Variants in DNAJC6 observed in about 807,000 individuals in gnomAD.
DNAJC6 encodes the protein auxilin.
DNAJC6 carries 34 observed loss-of-function variants against 110.0 expected under a neutral mutation model. The ratio of observed to expected loss-of-function variants is 0.31; its 90% CI spans 0.24 to 0.41. The LOEUF is 0.41. DNAJC6 is among the 10% of genes least tolerant of loss of function. The pLI is 1.00. For synonymous variants in DNAJC6, 406 were observed against 437.2 expected, an observed-to-expected ratio of 0.93 and a Z score of 0.89; for missense variants, 1,031 against 1,207.8, an observed-to-expected ratio of 0.85 and a Z score of 2.17.
chr1:65,379,351 T>C (rs777147830), intron 4 of DNAJC6, 51 bp from the exon 5 acceptor site: 1 of 1,608,892 alleles, frequency 6.2e-7, no homozygotes, highest in Non-Finnish European at 8.5e-7. Flanking sequence ...AACCTGCTTA[T>C]GAAGAGGAAG....
upstream of DNAJC6, chr1:65,309,517 C>T (rs1645076661): frequency 1.0e-5 from 9 of 875,768 alleles, no homozygotes; most frequent in East Asian, 8.6e-5. Context: ...GCGTCTCCTT[C>T]CCTCCCTCCC....
chr1:65,299,901 A>T (rs182099608), intron 1 of DNAJC6, among the ~76,000 whole-genome samples: 1 of 152,016 alleles, frequency 6.6e-6, no homozygotes, highest in African/African-American at 2.4e-5. Context: ...AACACAAAAG[A>T]ATTAGCTGGG....
chr1:65,372,146 G>GGTGT (rs59816601), intron 4 of DNAJC6, among the ~76,000 whole-genome samples: 2,069 of 141,056 alleles, frequency 0.015, 16 homozygotes, highest in African/African-American at 0.021. Context: ...TGACATTTGG[G>GGTGT]GTGTGTGTGT....
intron 15 of DNAJC6, among the ~76,000 whole-genome samples, chr1:65,404,438 C>T (rs1002299942): frequency 6.6e-6 from 1 of 152,154 alleles, no homozygotes; most frequent in African/African-American, 2.4e-5. Flanking sequence ...TTTTACCCAG[C>T]TTTAGAAGAG....
chr1:65,328,376 TGA>T (rs1194160560), intron 1 of DNAJC6, among the ~76,000 whole-genome samples: 2 of 152,232 alleles, frequency 1.3e-5, no homozygotes, highest in Non-Finnish European at 2.9e-5. Context: ...CATGCAGTTG[TGA>T]GAAACAGTAC....
At position 65,406,045 on chromosome 1, in the gene DNAJC6, C is replaced by T; in HGVS notation, c.2403C>T (p.Ser801=). Residue 801 remains serine (S), a synonymous_variant, in exon 16 of 19, where the codon TCC becomes TCT. Transcript: ENST00000371069. ...QPKPQPSMPH[S]SPQNRPNYNV... ...AGCCTCAGCCCAGCATGCCCCACTC[C>T]TCTCCCCAGAACCGACCCAACTACA... 6.2e-7 allele frequency: 1 copy of T among 1,614,166 alleles called. No homozygotes were observed. Among genetic ancestry groups the T allele is most frequent in the Non-Finnish European group, 8.5e-7 (1 of 1,180,042 alleles).
chr1:65,300,711 A>T (rs1215087535), intron 1 of DNAJC6, among the ~76,000 whole-genome samples: 2 of 152,022 alleles, frequency 1.3e-5, no homozygotes, highest in East Asian at 3.9e-4. Flanking sequence ...TACATGAAAA[A>T]CCCATGCACT....
chr1:65,308,003 ACTT>A (rs1217205860), upstream of DNAJC6, among the ~76,000 whole-genome samples: 9 of 152,136 alleles, frequency 5.9e-5, no homozygotes, highest in East Asian at 3.9e-4. Flanking sequence ...ATTTCTTTGG[ACTT>A]CTTCTGGTTG....
In DNAJC6 at chr1:65,380,913, TTTGTTTTG is replaced by T. The variant is rs1368435261; in HGVS notation, c.666+1392_666+1399del. Among the ~76,000 whole-genome samples, 5 of 100,248 alleles carry T rather than the reference TTTGTTTTG, an allele frequency of 5.0e-5. 1 individual carries two copies. Among genetic ancestry groups the T allele is most frequent in the African/African-American group, 2.9e-4 (5 of 17,490 alleles). The allele number at this position is 100,248 out of a possible 152,430, so 65.8% of individuals were successfully genotyped here. Reference sequence around the variant, plus strand: ...GAGTTTTTTTTTTTTTGTTTTTTGTTTTGTTTTGTTTTTTTTTTTTTTTTGGGACCGAG... The same window carrying T: ...GAGTTTTTTTTTTTTTGTTTTTTGTTTTTTTTTTTTTTTTTTGGGACCGAG... On this transcript the variant is annotated intron_variant, in intron 5 of 18. Transcript: ENST00000371069.
chr1:65,411,866 G>A (rs1646132803), intron 18 of DNAJC6, among the ~76,000 whole-genome samples: 1 of 152,170 alleles, frequency 6.6e-6, no homozygotes, highest in African/African-American at 2.4e-5. Flanking sequence ...AGCCACTCGG[G>A]AGGTTGAGGT....
rs146778055 is a variant in DNAJC6 at position 65,368,513 on chromosome 1, C to T, written c.543+2317C>T. On this transcript the variant is annotated intron_variant, in intron 4 of 18. Transcript: ENST00000371069. ...TTCCTTCCTTCTTCCCTTCTCTTTC[C>T]TTTCTCCTTCCGTTTTCCTTCCCTT... is the stretch of plus-strand genomic sequence containing the variant. Among the ~76,000 whole-genome samples, 301 of 151,562 alleles carry T rather than the reference C, an allele frequency of 2.0e-3. 1 individual carries two copies. The highest frequency in any genetic ancestry group is 0.012 in the South Asian group (55 of 4,768).
chr1:65,361,395 A>C (rs1228150761), intron 1 of DNAJC6, among the ~76,000 whole-genome samples: 1 of 152,230 alleles, frequency 6.6e-6, no homozygotes, highest in African/African-American at 2.4e-5. Context: ...TTAGGTATCA[A>C]TAGCTCTTAA....
At chr1:65,311,356 C>G (rs1217581357) in intron 1 of DNAJC6, among the ~76,000 whole-genome samples, 2 of 150,408 alleles carry the variant, frequency 1.3e-5, no homozygotes, top group Non-Finnish European at 2.9e-5. Context: ...TCCTGAGTAG[C>G]TGGGATTACA....
chr1:65,306,797 AC>A (rs78367363), upstream of DNAJC6, among the ~76,000 whole-genome samples: 68,247 of 151,810 alleles, frequency 0.45, 15,284 homozygotes, highest in East Asian at 0.52. Context: ...ATTCAAAGTT[AC>A]AAAGACAATT....
chr1:65,333,511 G>A (rs1162122848), intron 1 of DNAJC6, among the ~76,000 whole-genome samples: 1 of 152,080 alleles, frequency 6.6e-6, no homozygotes, highest in East Asian at 1.9e-4. Context: ...AGGCTTAAAG[G>A]GGTTAAGTGA....
chr1:65,302,636 C>T (rs112310539), intron 1 of DNAJC6, among the ~76,000 whole-genome samples: 2 of 148,278 alleles, frequency 1.3e-5, no homozygotes, highest in East Asian at 2.0e-4. Flanking sequence ...CCCGGGTTCA[C>T]GCCATTCTCC....
At chr1:65,335,081 A>G (rs1244578356) in intron 1 of DNAJC6, among the ~76,000 whole-genome samples, 1 of 152,050 alleles carries the variant, frequency 6.6e-6, no homozygotes, top group Non-Finnish European at 1.5e-5. Flanking sequence ...TGGTACAAAT[A>G]ACAGTGATCA....
intron 1 of DNAJC6, among the ~76,000 whole-genome samples, chr1:65,324,372 T>C (rs140731603): frequency 6.6e-6 from 1 of 151,762 alleles, no homozygotes; most frequent in Non-Finnish European, 1.5e-5. Flanking sequence ...GTTTTGTTTT[T>C]TTTTTAAGAT....
intron 17 of DNAJC6, among the ~76,000 whole-genome samples, chr1:65,409,961 A>G (rs998185673): frequency 2.0e-5 from 3 of 152,192 alleles, no homozygotes; most frequent in African/African-American, 7.2e-5. Context: ...ACATAACTTC[A>G]TAGATGAAGA....
Sources: gnomAD v4.1 joint callset for allele counts (sites outside exome capture counted in the v4.1 genomes callset) on GRCh38, gnomAD v4.1.1 for gene constraint, MANE v1.5 for transcripts, NCBI Gene and HGNC (gene_info 2026-07-23, HGNC 2026-07-21) for gene names.